The following GLRX3 variants were observed in gnomAD, a reference collection of about 807,000 sequenced individuals.
The protein encoded by GLRX3 is glutaredoxin 3.
A neutral mutation model predicts 49.5 loss-of-function variants in GLRX3; 22 were observed. The ratio of observed to expected loss-of-function variants is 0.44; its 90% confidence interval spans 0.32 to 0.63. The LOEUF is 0.63. Among genes scored for constraint, GLRX3 ranks in the 30% least tolerant of loss-of-function variants. The pLI is 0.05. For missense variants in GLRX3, 385 were observed against 396.3 expected, an observed-to-expected ratio of 0.97 and a Z score of 0.24; for synonymous variants, 133 against 140.0, an observed-to-expected ratio of 0.95 and a Z score of 0.35.
At chr10:130,157,490 G>C (rs370697405) in intron 2 of GLRX3, among the ~76,000 whole-genome samples, 1 of 11,958 alleles carries the variant, frequency 8.4e-5, no homozygotes, top group Non-Finnish European at 2.2e-4. Flanking sequence ...GATGGTGGCC[G>C]CCGCCCCCCC....
chr10:130,142,759 T>C (rs1862198821), intron 1 of GLRX3, among the ~76,000 whole-genome samples: 1 of 152,126 alleles, frequency 6.6e-6, no homozygotes, highest in African/African-American at 2.4e-5. Context: ...CTTGACACTC[T>C]TCTCTTGACT....
chr10:130,157,367 G>T (rs1347015818), intron 2 of GLRX3, among the ~76,000 whole-genome samples: 1 of 151,418 alleles, frequency 6.6e-6, no homozygotes, highest in Non-Finnish European at 1.5e-5. Flanking sequence ...GGGGATGGGG[G>T]TGTGCGGAGG....
At position 130,169,945 on chromosome 10, in the gene GLRX3, A is replaced by C. The variant is rs1862772692; in HGVS notation, c.771+455A>C. ...CAGGTGTGCTCTGTGTGTTTGATGAATGAGTGAAATGGTCAGCAATTCTCA... is the reference window on the plus strand; with the variant it reads ...CAGGTGTGCTCTGTGTGTTTGATGACTGAGTGAAATGGTCAGCAATTCTCA... On this transcript the variant is annotated intron_variant, in intron 7 of 10. Coordinates refer to ENST00000331244, the MANE Select transcript of GLRX3 (RefSeq NM_006541.5). Among the ~76,000 whole-genome samples the C allele has an allele frequency of 2.6e-5, 4 of 152,232 alleles. 1 individual carries two copies. The highest frequency in any genetic ancestry group is 2.6e-4 in the Admixed American group (4 of 15,286).
rs1862566823 is a variant in GLRX3 at position 130,161,000 on chromosome 10, A to G, written c.478+3A>G. 6.2e-7 allele frequency: 1 copy of G among 1,606,346 alleles called. No individual in the cohort carries two copies. Among genetic ancestry groups the G allele is most frequent in the Admixed American group, 1.7e-5 (1 of 60,004 alleles). On this transcript the variant is annotated splice_donor_region_variant and intron_variant, in intron 4 of 10. Coordinates refer to ENST00000331244, the MANE Select transcript of GLRX3 (RefSeq NM_006541.5). ...AACTCCTCAAGAACCACGCTGTGGTAAGAAGCTGCCTTTAACATAATATAA... is the reference window on the plus strand; with the variant it reads ...AACTCCTCAAGAACCACGCTGTGGTGAGAAGCTGCCTTTAACATAATATAA...
intron 1 of GLRX3, among the ~76,000 whole-genome samples, chr10:130,140,994 G>T (rs1862161880): frequency 6.6e-6 from 1 of 152,190 alleles, no homozygotes; most frequent in Admixed American, 6.5e-5. Context: ...AGCAGGACAT[G>T]AAAGTACTTC....
At chr10:130,164,087 G>C (rs962538433) in intron 4 of GLRX3, among the ~76,000 whole-genome samples, 1 of 152,140 alleles carries the variant, frequency 6.6e-6, no homozygotes, top group African/African-American at 2.4e-5. Flanking sequence ...GAGCCCCACT[G>C]GACTCAGCCT....
intron 2 of GLRX3, among the ~76,000 whole-genome samples, chr10:130,158,508 T>G (rs72838217): frequency 0.068 from 10,295 of 152,280 alleles, 461 homozygotes; most frequent in Middle Eastern, 0.11. Flanking sequence ...TTGTATTACT[T>G]GTTGGTTAGA....
In GLRX3 at chr10:130,160,937, T is replaced by C. The variant is rs1862565170; in HGVS notation, c.418T>C (p.Leu140=). The part of the protein sequence containing the change: ...KEDLNLRLKK[L]THAAPCMLFM... Reference sequence around the variant, plus strand: ...AGATCTCAACCTTCGCTTGAAGAAATTGACTCATGCTGCCCCCTGCATGCT... The same window carrying C: ...AGATCTCAACCTTCGCTTGAAGAAACTGACTCATGCTGCCCCCTGCATGCT... Residue 140 remains leucine, a synonymous_variant, in exon 4 of 11, where the codon TTG becomes CTG. Transcript: ENST00000331244. 7.4e-6 allele frequency: 12 copies of C among 1,613,778 alleles called. No individual in the cohort carries two copies. The highest frequency in any genetic ancestry group is 1.7e-5 in the Admixed American group (1 of 59,990).
At chr10:130,172,351 A>G (rs1273290918) in intron 8 of GLRX3, among the ~76,000 whole-genome samples, 2 of 152,220 alleles carry the variant, frequency 1.3e-5, no homozygotes, top group East Asian at 3.9e-4. Context: ...AGGTAGCACA[A>G]GTTAAATTGC....
intron 2 of GLRX3, among the ~76,000 whole-genome samples, chr10:130,156,007 A>T (rs1292007915): frequency 6.6e-6 from 1 of 152,228 alleles, no homozygotes; most frequent in Non-Finnish European, 1.5e-5. Flanking sequence ...GAAGTGGAAC[A>T]TGGTGTAGGG....
At chr10:130,165,935 A>T (rs947160522) in intron 4 of GLRX3, among the ~76,000 whole-genome samples, 1 of 152,346 alleles carries the variant, frequency 6.6e-6, no homozygotes, top group African/African-American at 2.4e-5. Flanking sequence ...GAGGCCACCC[A>T]TGGCCTCATC....
Position 130,160,895 on chromosome 10 carries a change from A to G in GLRX3, c.376A>G (p.Asn126Asp). 1 of 1,612,470 alleles carries G rather than the reference A, an allele frequency of 6.2e-7. No homozygotes were observed. Among genetic ancestry groups the G allele is most frequent in the Non-Finnish European group, 8.5e-7 (1 of 1,178,468 alleles). Residue 126 changes from asparagine to aspartate, a missense_variant, in exon 4 of 11, where the codon AAT becomes GAT. Transcript: ENST00000331244. ...ASSGSFLPSA[N>D]EHLKEDLNLR... Reference sequence around the variant, plus strand: ...TAGTGGCTCCTTCCTACCCAGCGCTAATGAACATCTTAAAGAAGATCTCAA... The same window carrying G: ...TAGTGGCTCCTTCCTACCCAGCGCTGATGAACATCTTAAAGAAGATCTCAA...
chr10:130,179,537 C>A lies in GLRX3; in HGVS notation c.*145C>A. Reference sequence around the variant, plus strand: ...GTTTTGTGTATTTCACAATGTCGTGCTAAATAAATGTATGTTACATTTTTT... The same window carrying A: ...GTTTTGTGTATTTCACAATGTCGTGATAAATAAATGTATGTTACATTTTTT... On this transcript the variant is annotated 3_prime_UTR_variant, in exon 11 of 11. Transcript: ENST00000331244. 1.6e-6 allele frequency: 1 copy of A among 617,442 alleles called. No individual in the cohort carries two copies. The highest frequency in any genetic ancestry group is 2.9e-6 in the Non-Finnish European group (1 of 343,722). 38.2% of individuals were successfully genotyped at this position (617,442 alleles called of 1,614,324 possible).
intron 2 of GLRX3, among the ~76,000 whole-genome samples, chr10:130,152,389 C>A (rs1227078748): frequency 1.3e-5 from 2 of 152,164 alleles, no homozygotes; most frequent in African/African-American, 4.8e-5. Context: ...AATGCAGTTT[C>A]TTCATAGTGT....
In GLRX3 at chr10:130,166,494, T is replaced by A. The variant is rs1326660244; in HGVS notation, c.479-13T>A. The stretch of plus-strand genomic sequence containing the variant: ...AGAGAAGTTAAGTGCTTTATTTCTT[T>A]TTTTGTGTACAGGTTTCAGCAAGCA... On this transcript the variant is annotated splice_polypyrimidine_tract_variant and intron_variant, in intron 4 of 10. Coordinates refer to ENST00000331244, the MANE Select transcript of GLRX3 (RefSeq NM_006541.5). The A allele has an allele frequency of 6.2e-7, 1 of 1,606,950 alleles. No individual in the cohort carries two copies. Among genetic ancestry groups the A allele is most frequent in the East Asian group, 2.2e-5 (1 of 44,810 alleles).
rs1554958040 is a variant in GLRX3, at chr10:130,171,667, T to C, written c.824+31T>C. On this transcript the variant is annotated intron_variant, in intron 8 of 10. Transcript: ENST00000331244. Reference sequence around the variant, plus strand: ...TAAATGTTGTTTTCAAATGGTGTATTAAAAAAATTCCAACCTGGCCAGGCG... The same window carrying C: ...TAAATGTTGTTTTCAAATGGTGTATCAAAAAAATTCCAACCTGGCCAGGCG... 1.5e-5 allele frequency: 18 copies of C among 1,218,034 alleles called. No homozygotes were observed. The South Asian group carries it at 2.2e-4, about 15-fold the overall frequency. The allele number at this position is 1,218,034 out of a possible 1,614,324, so 75.5% of individuals were successfully genotyped here. A position where few individuals can be genotyped will look rare whatever the true frequency, so the allele number is the denominator to read the frequency against.
chr10:130,175,033 A>T lies in GLRX3; in HGVS notation c.901A>T (p.Thr301Ser), dbSNP rs374313139. The T allele has an allele frequency of 2.5e-6, 4 of 1,609,622 alleles. No individual in the cohort carries two copies. The highest frequency in any genetic ancestry group is 1.7e-4 in the Middle Eastern group (1 of 5,886). The change falls in exon 10 of 11, where the codon ACA becomes TCA. Residue 301 changes from threonine (T) to serine (S), a missense_variant. Thr to Ser is a moderately conservative substitution (Grantham distance 58). Transcript: ENST00000331244. ...ATTAAAAGCTTACTCAAATTGGCCA[A>T]CATACCCTCAGCTGTATGTGAAAGG... is the stretch of plus-strand genomic sequence containing the variant. The part of the protein sequence containing the change: ...QGLKAYSNWP[T>S]YPQLYVKGEL...
chr10:130,178,142 G>A (rs4751172), intron 10 of GLRX3, among the ~76,000 whole-genome samples: 32,829 of 152,108 alleles, frequency 0.22, 3,882 homozygotes, highest in South Asian at 0.3. Context: ...GAGATGTGTT[G>A]CCAGGTTGGG....
At chr10:130,159,898 G>C (rs1862541072) in intron 2 of GLRX3, 97 bp from the exon 3 acceptor site, 2 of 1,263,892 alleles carry the variant, frequency 1.6e-6, no homozygotes, top group East Asian at 2.3e-5. Context: ...AAAAATGCCA[G>C]CTACTTGAAG....
Sources: allele counts gnomAD v4.1 joint callset (sites outside exome capture counted in the v4.1 genomes callset), GRCh38; gene constraint gnomAD v4.1.1; transcripts MANE v1.5; gene names NCBI Gene and HGNC (gene_info 2026-07-23, HGNC 2026-07-21).